MALRD1: variants seen among roughly 807,000 people sequenced by gnomAD.
The protein encoded by MALRD1 is MAM and LDL-receptor class A domain-containing protein 1.
Under a neutral mutation model 242.1 loss-of-function variants are expected in MALRD1, and 247 were observed. That is an observed-to-expected ratio of 1.02 (90% CI 0.92 to 1.13). MALRD1 has a LOEUF of 1.13. MALRD1 is among the 50% of genes most tolerant of loss of function. MALRD1 has a pLI of 0.00. For missense variants in MALRD1, 2,989 were observed against 2,533.1 expected (o/e 1.18, Z -3.86); for synonymous variants, 995 against 866.6 (o/e 1.15, Z -2.60).
At chr10:19,284,291 T>C (rs946369343) in intron 21 of MALRD1, among the ~76,000 whole-genome samples, 4 of 151,896 alleles carry the variant, frequency 2.6e-5, no homozygotes, top group East Asian at 1.9e-4. Flanking sequence ...AGGGTACATG[T>C]GCACATTGTG....
chr10:19,066,972 T>G, intron 2 of MALRD1, 113 bp downstream of exon 2: 2 of 731,786 alleles, frequency 2.7e-6, no homozygotes, highest in Non-Finnish European at 3.8e-6. Flanking sequence ...CACCACATGT[T>G]TAATTAGGGA....
intron 8 of MALRD1, among the ~76,000 whole-genome samples, chr10:19,130,760 G>A (rs967511792): frequency 2.0e-5 from 3 of 152,088 alleles, no homozygotes; most frequent in African/African-American, 7.2e-5. Flanking sequence ...AATGTATATA[G>A]ATTGGAATTA....
chr10:19,662,585 C>T (rs1841492432), intron 36 of MALRD1, among the ~76,000 whole-genome samples: 1 of 151,808 alleles, frequency 6.6e-6, no homozygotes, highest in African/African-American at 2.4e-5. Flanking sequence ...GTGTGCAGAC[C>T]AAGGTATTAA....
rs11009137 is a variant in MALRD1, at chr10:19,252,789, G to A, written c.2992-4895G>A. ...AAAACTCCAATTATTCTGCAGCTTT[G>A]TGTATGTGATAGAGTCAGCCACAGA... On this transcript the variant is annotated intron_variant, in intron 18 of 39. Coordinates refer to ENST00000454679, the MANE Select transcript of MALRD1 (RefSeq NM_001142308.3). Among the ~76,000 whole-genome samples the A allele has an allele frequency of 8.2e-3, 1,249 of 152,040 alleles. 18 individuals carry two copies. The highest frequency in any genetic ancestry group is 0.028 in the African/African-American group (1,180 of 41,498).
At chr10:19,612,084 C>G (rs4406722) in intron 35 of MALRD1, among the ~76,000 whole-genome samples, 100,642 of 151,944 alleles carry the variant, frequency 0.66, 38,648 homozygotes, top group Non-Finnish European at 0.83. Context: ...TCTGCAGTCT[C>G]AGACACTCTT....
chr10:19,479,278 G>A (rs540041824), intron 29 of MALRD1, among the ~76,000 whole-genome samples: 1 of 152,284 alleles, frequency 6.6e-6, no homozygotes, highest in South Asian at 2.1e-4. Context: ...TCAATATCGT[G>A]TGCTATAATT....
chr10:19,296,203 C>T (rs1332220329), intron 21 of MALRD1, among the ~76,000 whole-genome samples: 2 of 152,096 alleles, frequency 1.3e-5, no homozygotes, highest in African/African-American at 2.4e-5. Context: ...ATAGTTTCTT[C>T]ATAACTTTTT....
At chr10:19,221,499 T>C (rs1272530036) in intron 18 of MALRD1, among the ~76,000 whole-genome samples, 1 of 152,144 alleles carries the variant, frequency 6.6e-6, no homozygotes, top group Non-Finnish European at 1.5e-5. Flanking sequence ...TCATCTACCA[T>C]CTTGAGCTGA....
chr10:19,481,024 G>GTA (rs536555032), intron 29 of MALRD1, among the ~76,000 whole-genome samples: 173 of 151,796 alleles, frequency 1.1e-3, no homozygotes, highest in Middle Eastern at 0.01. Context: ...AGAGAGCTTG[G>GTA]TATATATATA....
At chr10:19,455,048 A>T (rs1835571737) in intron 29 of MALRD1, among the ~76,000 whole-genome samples, 1 of 152,208 alleles carries the variant, frequency 6.6e-6, no homozygotes, top group Non-Finnish European at 1.5e-5. Context: ...GAACACAATA[A>T]GAAGGCTCTC....
At chr10:19,197,742 T>C (rs1836327407) in intron 14 of MALRD1, among the ~76,000 whole-genome samples, 1 of 152,220 alleles carries the variant, frequency 6.6e-6, no homozygotes, top group South Asian at 2.1e-4. Flanking sequence ...ATATTCTTCC[T>C]TATTTTATTT....
intron 28 of MALRD1, among the ~76,000 whole-genome samples, chr10:19,447,116 ACT>A (rs1835040527): frequency 1.3e-5 from 2 of 151,454 alleles, no homozygotes; most frequent in Non-Finnish European, 2.9e-5. Flanking sequence ...CATGAGCAAG[ACT>A]GAGAGTGCTT....
chr10:19,106,133 G>A (rs1836453665), intron 5 of MALRD1, among the ~76,000 whole-genome samples: 1 of 151,768 alleles, frequency 6.6e-6, no homozygotes, highest in Non-Finnish European at 1.5e-5. Flanking sequence ...AATGTATTCA[G>A]TCTCCCTTTA....
intron 28 of MALRD1, among the ~76,000 whole-genome samples, chr10:19,410,407 C>T (rs1833228614): frequency 6.6e-6 from 1 of 152,086 alleles, no homozygotes; most frequent in Non-Finnish European, 1.5e-5. Flanking sequence ...TCATTTTTCT[C>T]ACTACTTAAA....
At chr10:19,162,283 T>C (rs938850172) in intron 12 of MALRD1, among the ~76,000 whole-genome samples, 1 of 145,078 alleles carries the variant, frequency 6.9e-6, no homozygotes, top group Non-Finnish European at 1.6e-5. Flanking sequence ...TCTTTCTTCC[T>C]CTCTTTCCTC....
At chr10:19,348,979 C>T (rs1844249234) in intron 25 of MALRD1, among the ~76,000 whole-genome samples, 1 of 152,104 alleles carries the variant, frequency 6.6e-6, no homozygotes, top group African/African-American at 2.4e-5. Context: ...CTTCCCCTTC[C>T]CTTCAACAGT....
chr10:19,213,313 G>T (rs561915789), intron 18 of MALRD1, among the ~76,000 whole-genome samples: 2 of 152,206 alleles, frequency 1.3e-5, no homozygotes, highest in East Asian at 1.9e-4. Context: ...ATTTTGAGAG[G>T]TGTCTATCTT....
chr10:19,153,124 AT>A (rs1212667212), intron 11 of MALRD1, among the ~76,000 whole-genome samples: 1 of 152,168 alleles, frequency 6.6e-6, no homozygotes, highest in African/African-American at 2.4e-5. Flanking sequence ...TTGTAACTGA[AT>A]ATGGAGACCG....
chr10:19,247,610 T>C (rs889395803), intron 18 of MALRD1, among the ~76,000 whole-genome samples: 28 of 152,080 alleles, frequency 1.8e-4, no homozygotes, highest in African/African-American at 6.5e-4. Flanking sequence ...AAATACCATT[T>C]TGGGAATCAG....
Sources: gnomAD v4.1 joint callset for allele counts (sites outside exome capture counted in the v4.1 genomes callset) on GRCh38, gnomAD v4.1.1 for gene constraint, MANE v1.5 for transcripts, NCBI Gene and HGNC (gene_info 2026-07-23, HGNC 2026-07-21) for gene names.